FLNB: variants seen among roughly 807,000 people sequenced by gnomAD.
FLNB encodes the protein filamin B.
FLNB carries 111 observed loss-of-function variants against 250.6 expected under a neutral mutation model. That is an observed-to-expected ratio of 0.44 (90% CI 0.38 to 0.52). The LOEUF (loss-of-function observed/expected upper bound fraction) is 0.52. FLNB is among the 20% of genes least tolerant of loss of function. FLNB has a pLI of 0.00. For synonymous variants in FLNB, 1,302 were observed against 1,372.1 expected (o/e 0.95, Z 1.13); for missense variants, 2,869 against 3,447.8 (o/e 0.83, Z 4.20).
intron 24 of FLNB, among the ~76,000 whole-genome samples, chr3:58,129,377 T>C (rs189360434): frequency 6.6e-6 from 1 of 152,216 alleles, no homozygotes; most frequent in African/African-American, 2.4e-5. Flanking sequence ...TTACCCGGGT[T>C]TGTTGGTTTT....
intron 41 of FLNB, among the ~76,000 whole-genome samples, chr3:58,156,494 A>T (rs1379563986): frequency 6.6e-6 from 1 of 152,202 alleles, no homozygotes; most frequent in African/African-American, 2.4e-5. Context: ...ACTTACTGTG[A>T]TTCATTAATA....
chr3:58,097,083 T>G (rs2097240179), intron 6 of FLNB, among the ~76,000 whole-genome samples: 1 of 152,140 alleles, frequency 6.6e-6, no homozygotes, highest in Admixed American at 6.6e-5. Flanking sequence ...AGTACACTTT[T>G]CATTGGAAGA....
chr3:58,052,527 G>C (rs2097164089), intron 1 of FLNB, among the ~76,000 whole-genome samples: 1 of 152,104 alleles, frequency 6.6e-6, no homozygotes, highest in South Asian at 2.1e-4. Context: ...CAGGGCCTTT[G>C]GTCAGAAAAA....
Position 58,130,917 on chromosome 3 carries a change from G to A in FLNB, c.4390+9G>A. On this transcript the variant is annotated intron_variant, in intron 25 of 45. Transcript: ENST00000295956. ...GGTTCTGGGCCCACGAGGTAAGTGT[G>A]CACCCTGCCTTCCTGCAGACATTCA... 1 of 1,608,110 alleles carries A rather than the reference G, an allele frequency of 6.2e-7. No homozygotes were observed. Among genetic ancestry groups the A allele is most frequent in the Non-Finnish European group, 8.5e-7 (1 of 1,177,736 alleles).
chr3:58,124,070 C>T (rs2097293595), intron 21 of FLNB, among the ~76,000 whole-genome samples: 1 of 152,216 alleles, frequency 6.6e-6, no homozygotes, highest in Non-Finnish European at 1.5e-5. Flanking sequence ...CTGCATGCCA[C>T]ACAGCAGGTT....
intron 1 of FLNB, among the ~76,000 whole-genome samples, chr3:58,013,823 C>CA (rs1217751144): frequency 4.6e-5 from 7 of 151,670 alleles, no homozygotes; most frequent in Non-Finnish European, 8.8e-5. Context: ...AACTCCATCT[C>CA]AAAAAAAAGT....
At chr3:58,049,543 G>A (rs1257251469) in intron 1 of FLNB, among the ~76,000 whole-genome samples, 1 of 152,322 alleles carries the variant, frequency 6.6e-6, no homozygotes, top group African/African-American at 2.4e-5. Flanking sequence ...GAAAGTCAGG[G>A]CTCCAGTTTT....
chr3:58,121,077 A>G (rs1036997092), intron 19 of FLNB, among the ~76,000 whole-genome samples, 164 bp from the exon 20 acceptor site: 1 of 152,224 alleles, frequency 6.6e-6, no homozygotes, highest in Non-Finnish European at 1.5e-5. Flanking sequence ...TGAGATGCTG[A>G]TGATACTTAC....
rs993420263 is a variant in FLNB, at chr3:58,169,328, G to C, written c.7418-262G>C. ...GGCACATCTTTGGTGGGTAGGGGGT[G>C]GGGGGATTGGGAGGGTCCTTGGCCT... On this transcript the variant is annotated intron_variant, in intron 44 of 45. Coordinates refer to ENST00000295956, the MANE Select transcript of FLNB (RefSeq NM_001457.4). The surrounding 1 kb of genome is among the most constrained non-coding windows in gnomAD (Gnocchi z 4.8). The C allele has an allele frequency of 1.3e-5, 7 of 520,996 alleles. No homozygotes were observed. The highest frequency in any genetic ancestry group is 1.7e-5 in the Non-Finnish European group (5 of 287,190). 32.3% of individuals were successfully genotyped at this position (520,996 alleles called of 1,614,324 possible). A position where few individuals can be genotyped will look rare whatever the true frequency, so the allele number is the denominator to read the frequency against.
intron 26 of FLNB, among the ~76,000 whole-genome samples, chr3:58,134,253 ATC>A (rs1159695078): frequency 6.6e-6 from 1 of 152,206 alleles, no homozygotes; most frequent in Non-Finnish European, 1.5e-5. Flanking sequence ...CATGAGAAGG[ATC>A]TAGATTGCAC....
At chr3:58,094,777 C>A in intron 4 of FLNB, 59 bp from the exon 5 acceptor site, 1 of 1,387,978 alleles carries the variant, frequency 7.2e-7, no homozygotes, top group Non-Finnish European at 1.0e-6. Flanking sequence ...ATGCAGTGGG[C>A]GATGGCTCAT....
chr3:58,079,693 G>A (rs1257951087), intron 3 of FLNB, among the ~76,000 whole-genome samples: 1 of 152,230 alleles, frequency 6.6e-6, no homozygotes, highest in East Asian at 1.9e-4. Flanking sequence ...ACCATCTACA[G>A]TAGTCACATT....
At chr3:58,133,793 A>G (rs2097311828) in intron 26 of FLNB, among the ~76,000 whole-genome samples, 1 of 152,188 alleles carries the variant, frequency 6.6e-6, no homozygotes, top group African/African-American at 2.4e-5. Context: ...TTATATAGAG[A>G]TAAGCATATT....
intron 1 of FLNB, among the ~76,000 whole-genome samples, chr3:58,053,136 C>G (rs1345548451): frequency 6.6e-6 from 1 of 152,190 alleles, no homozygotes; most frequent in Non-Finnish European, 1.5e-5. Flanking sequence ...TGCTGTAGAT[C>G]TGATGTCCAT....
chr3:58,134,504 C>T, intron 26 of FLNB, 112 bp from the exon 27 acceptor site: 2 of 1,250,614 alleles, frequency 1.6e-6, no homozygotes, highest in South Asian at 2.4e-5. Context: ...ACTGTCTTAT[C>T]TGCTGTAGAA....
intron 1 of FLNB, among the ~76,000 whole-genome samples, chr3:58,029,908 C>A (rs557825203): frequency 8.1e-4 from 123 of 152,284 alleles, no homozygotes; most frequent in African/African-American, 2.8e-3. Context: ...TCACTGCTCT[C>A]ATCTATAAAC....
At chr3:58,073,418 G>A (rs1233342507) in intron 1 of FLNB, among the ~76,000 whole-genome samples, 1 of 152,136 alleles carries the variant, frequency 6.6e-6, no homozygotes, top group Non-Finnish European at 1.5e-5. Context: ...GGATAACCAA[G>A]TTCCGTGCAG....
chr3:58,104,195 A>G (rs1193373640), intron 10 of FLNB, 110 bp downstream of exon 10: 6 of 1,152,298 alleles, frequency 5.2e-6, no homozygotes, highest in Non-Finnish European at 7.3e-6. Flanking sequence ...GCTTTGTTGA[A>G]AACTTTTTTT....
intron 18 of FLNB, among the ~76,000 whole-genome samples, chr3:58,116,210 T>G (rs1201405652): frequency 2.6e-5 from 4 of 152,200 alleles, no homozygotes; most frequent in African/African-American, 9.7e-5. Flanking sequence ...TAAGGAAGTG[T>G]GCCCTTGGAT....
Sources: allele counts gnomAD v4.1 joint callset (sites outside exome capture counted in the v4.1 genomes callset), GRCh38; gene constraint gnomAD v4.1.1; non-coding constraint Gnocchi (gnomAD v3.1); transcripts MANE v1.5; gene names NCBI Gene and HGNC (gene_info 2026-07-23, HGNC 2026-07-21).